SNAP91: variants seen among roughly 807,000 people sequenced by gnomAD.
SNAP91 encodes clathrin coat assembly protein AP180.
A neutral mutation model predicts 100.3 loss-of-function variants in SNAP91; 27 were observed. The observed-to-expected ratio is 0.27, with a 90% CI of 0.20 to 0.37. The LOEUF is 0.37. Among genes scored for constraint, SNAP91 ranks in the 10% least tolerant of loss-of-function variants. SNAP91 has a pLI of 1.00. For missense variants in SNAP91, 986 were observed against 1,123.7 expected (o/e 0.88, Z 1.75); for synonymous variants, 404 against 398.6 (o/e 1.01, Z -0.16).
chr6:83,592,576 C>A, intron 20 of SNAP91, 38 bp from the exon 21 acceptor site: 1 of 1,530,536 alleles, frequency 6.5e-7, no homozygotes, highest in Non-Finnish European at 8.9e-7. Flanking sequence ...TGCATGTCAC[C>A]CAAGGGAAAA....
chr6:83,653,836 C>T lies in SNAP91; in HGVS notation c.658+2918G>A, dbSNP rs114924796. 6.2e-3 allele frequency among the ~76,000 whole-genome samples: 950 copies of T among 152,174 alleles called. 9 individuals carry two copies. The highest frequency in any genetic ancestry group is 0.022 in the African/African-American group (910 of 41,512). On this transcript the variant is annotated intron_variant, in intron 7 of 29. Transcript: ENST00000369694. ...CTCTGGACTGTGAACTTCACAAATGCTTCTTGGTTTTTCCTCTTGGACAAA... is the reference window on the plus strand; with the variant it reads ...CTCTGGACTGTGAACTTCACAAATGTTTCTTGGTTTTTCCTCTTGGACAAA...
chr6:83,642,976 C>T (rs1276303383), intron 7 of SNAP91, among the ~76,000 whole-genome samples: 1 of 152,222 alleles, frequency 6.6e-6, no homozygotes, highest in Non-Finnish European at 1.5e-5. Flanking sequence ...CTGTTGGCTG[C>T]ATAAACGTCT....
rs181203252 is a variant in SNAP91 at position 83,702,857 on chromosome 6, T to C, written c.130+4941A>G. Among the ~76,000 whole-genome samples the C allele has an allele frequency of 1.9e-3, 295 of 152,274 alleles. 3 individuals carry two copies. The highest frequency in any genetic ancestry group is 2.7e-3 in the Non-Finnish European group (186 of 68,014). On this transcript the variant is annotated intron_variant, in intron 2 of 29. Coordinates refer to ENST00000369694, the MANE Select transcript of SNAP91 (RefSeq NM_001242792.2). ...TATAAATTCTGTTTAATTATTTTTG[T>C]GTCATTTTTAAAGCATGCTCCCTCC...
intron 22 of SNAP91, among the ~76,000 whole-genome samples, chr6:83,587,505 T>A (rs184806748): frequency 0.023 from 3,573 of 152,188 alleles, 56 homozygotes; most frequent in Non-Finnish European, 0.036. Flanking sequence ...TATTTTTTTT[T>A]AAAAATCTTC....
chr6:83,661,762 C>A (rs1185284718), intron 4 of SNAP91, among the ~76,000 whole-genome samples, 158 bp from the exon 5 acceptor site: 1 of 152,142 alleles, frequency 6.6e-6, no homozygotes, highest in East Asian at 1.9e-4. Flanking sequence ...TGCTTCTAGG[C>A]AAAAATACTT....
At chr6:83,560,314 C>A in intron 27 of SNAP91, 106 bp from the exon 28 acceptor site, 1 of 766,146 alleles carries the variant, frequency 1.3e-6, no homozygotes, top group Non-Finnish European at 2.2e-6. Flanking sequence ...TTGAGGAATC[C>A]AGGACTATGA....
At position 83,661,591 on chromosome 6, in the gene SNAP91, A is replaced by G; in HGVS notation, c.363T>C (p.Ser121=). The change falls in exon 5 of 30, where the codon TCT becomes TCC. Residue 121 remains serine, a synonymous_variant. Transcript: ENST00000369694. ...ATCTACTATAGCGCCTTATGAAGGT[A>G]GACATATCATAACCTGGGAGAGTGG... ...DKSGSHGYDM[S]TFIRRYSRYL... is the part of the protein sequence containing the mutation. The G allele has an allele frequency of 6.3e-7, 1 of 1,590,380 alleles. No individual in the cohort carries two copies. The highest frequency in any genetic ancestry group is 8.6e-7 in the Non-Finnish European group (1 of 1,163,874).
chr6:83,578,542 C>G, intron 24 of SNAP91, among the ~76,000 whole-genome samples: 1 of 152,106 alleles, frequency 6.6e-6, no homozygotes, highest in Non-Finnish European at 1.5e-5. Context: ...GTCAAAAGGT[C>G]TATTCAAATA....
chr6:83,572,670 G>C (rs1810420804), intron 26 of SNAP91, among the ~76,000 whole-genome samples: 1 of 152,020 alleles, frequency 6.6e-6, no homozygotes, highest in African/African-American at 2.4e-5. Context: ...TGATTGTTCT[G>C]AAACTAACTT....
intron 13 of SNAP91, among the ~76,000 whole-genome samples, chr6:83,607,329 T>TTGTGTGTGTGTGTGTGTG (rs61335064): frequency 4.6e-4 from 66 of 144,890 alleles, no homozygotes; most frequent in Middle Eastern, 7.0e-3. Flanking sequence ...CCAAGTTGGG[T>TTGTGTGTGTGTGTGTGTG]TGTGTGTGTG....
At chr6:83,596,654 G>T (rs1434972722) in intron 16 of SNAP91, among the ~76,000 whole-genome samples, 1 of 137,596 alleles carries the variant, frequency 7.3e-6, no homozygotes, top group Non-Finnish European at 1.5e-5. Flanking sequence ...AATAAGTGAG[G>T]TAATGCATCT....
At chr6:83,675,252 A>G (rs112668144) in intron 2 of SNAP91, among the ~76,000 whole-genome samples, 1,542 of 152,350 alleles carry the variant, frequency 0.01, 19 homozygotes, top group Middle Eastern at 0.02. Context: ...AACAACAGAT[A>G]TCCTTCCTCA....
At position 83,614,868 on chromosome 6, in the gene SNAP91, G is replaced by T; in HGVS notation, c.879-6C>A. ...CATACAGTACTCACCCTTCACTTAA[G>T]TTCCAAGGTAAGCACAAACATACAA... is the stretch of plus-strand genomic sequence containing the variant. On this transcript the variant is annotated splice_region_variant and splice_polypyrimidine_tract_variant and intron_variant, in intron 10 of 29. Coordinates refer to ENST00000369694, the MANE Select transcript of SNAP91 (RefSeq NM_001242792.2). 1 of 1,591,720 alleles carries T rather than the reference G, an allele frequency of 6.3e-7. No homozygotes were observed. Among genetic ancestry groups the T allele is most frequent in the Non-Finnish European group, 8.5e-7 (1 of 1,175,216 alleles).
At chr6:83,656,325 T>C (rs1433264038) in intron 7 of SNAP91, among the ~76,000 whole-genome samples, 16 of 152,130 alleles carry the variant, frequency 1.1e-4, no homozygotes, top group Admixed American at 1.0e-3. Flanking sequence ...GAAGTGGGTA[T>C]ATATCAGAAA....
At chr6:83,634,521 T>A (rs2128494825) in intron 8 of SNAP91, among the ~76,000 whole-genome samples, 1 of 152,258 alleles carries the variant, frequency 6.6e-6, no homozygotes, top group South Asian at 2.1e-4. Context: ...ATTCCTGCAG[T>A]CATTCTGGAG....
At chr6:83,700,247 T>C (rs571981381) in intron 2 of SNAP91, among the ~76,000 whole-genome samples, 2 of 152,100 alleles carry the variant, frequency 1.3e-5, no homozygotes, top group Admixed American at 1.3e-4. Context: ...AGAAATAGTA[T>C]ATATGCCTTC....
At chr6:83,655,928 C>T (rs1282562540) in intron 7 of SNAP91, among the ~76,000 whole-genome samples, 2 of 152,206 alleles carry the variant, frequency 1.3e-5, no homozygotes, top group Non-Finnish European at 2.9e-5. Flanking sequence ...GATGGTTCCT[C>T]ATGTTGGCAC....
At chr6:83,685,243 C>G (rs2099045179) in intron 2 of SNAP91, among the ~76,000 whole-genome samples, 1 of 152,134 alleles carries the variant, frequency 6.6e-6, no homozygotes, top group South Asian at 2.1e-4. Flanking sequence ...TCTGTGCCAC[C>G]CATAAATATA....
rs140275740 is a variant in SNAP91, at chr6:83,690,248, C to G, written c.130+17550G>C. 1,421 of 1,124,166 alleles carry G rather than the reference C, an allele frequency of 1.3e-3. 14 individuals carry two copies. The African/African-American group carries it at 0.022, about 17-fold the overall frequency. The allele number at this position is 1,124,166 out of a possible 1,614,324, so 69.6% of individuals were successfully genotyped here. A position where few individuals can be genotyped will look rare whatever the true frequency, so the allele number is the denominator to read the frequency against. On this transcript the variant is annotated intron_variant, in intron 2 of 29. Transcript: ENST00000369694. ...TAATACTACTATGATGAACAAATCTCTTCTTGAGAAATAAATAATACTGTG... is the reference window on the plus strand; with the variant it reads ...TAATACTACTATGATGAACAAATCTGTTCTTGAGAAATAAATAATACTGTG...
Sources: allele counts gnomAD v4.1 joint callset (sites outside exome capture counted in the v4.1 genomes callset), GRCh38; gene constraint gnomAD v4.1.1; transcripts MANE v1.5; gene names NCBI Gene and HGNC (gene_info 2026-07-23, HGNC 2026-07-21).